GALNT17: variants seen among roughly 807,000 people sequenced by gnomAD.
GALNT17 encodes the protein polypeptide N-acetylgalactosaminyltransferase 17, also known as UDP-GalNAc:polypeptide N-acetylgalactosaminyltransferase-like 3.
In GALNT17, 29 loss-of-function variants were observed where a neutral mutation model predicts 63.7. The observed-to-expected ratio is 0.46, with a 90% CI of 0.34 to 0.62. GALNT17 has a LOEUF of 0.62. GALNT17 is among the 20% of genes least tolerant of loss of function. The pLI is 0.01. For synonymous variants in GALNT17, 305 were observed against 318.3 expected (o/e 0.96, Z 0.45); for missense variants, 603 against 799.6 (o/e 0.75, Z 2.97).
chr7:71,526,174 T>C (rs1788620878), intron 5 of GALNT17, among the ~76,000 whole-genome samples: 1 of 152,218 alleles, frequency 6.6e-6, no homozygotes, highest in South Asian at 2.1e-4. Context: ...CTTATCTTTC[T>C]TCATTTTCAT....
At chr7:71,339,864 A>T (rs1583873897) in intron 2 of GALNT17, among the ~76,000 whole-genome samples, 1 of 152,266 alleles carries the variant, frequency 6.6e-6, no homozygotes, top group Non-Finnish European at 1.5e-5. Flanking sequence ...TTACATGTGA[A>T]CCTTCCTGAA....
At chr7:71,464,394 A>C (rs115921953) in intron 5 of GALNT17, among the ~76,000 whole-genome samples, 1 of 152,148 alleles carries the variant, frequency 6.6e-6, no homozygotes, top group African/African-American at 2.4e-5. Flanking sequence ...AGCCTAACCA[A>C]GGATTGGTCA....
intron 5 of GALNT17, among the ~76,000 whole-genome samples, chr7:71,516,341 A>G (rs892862295): frequency 1.3e-5 from 2 of 152,166 alleles, no homozygotes; most frequent in Non-Finnish European, 2.9e-5. Flanking sequence ...AGAATCTACC[A>G]TGATTAGTAG....
intron 5 of GALNT17, among the ~76,000 whole-genome samples, chr7:71,485,626 C>G (rs1467255673): frequency 6.6e-6 from 1 of 152,180 alleles, no homozygotes; most frequent in Non-Finnish European, 1.5e-5. Flanking sequence ...TTGAGGATAT[C>G]CACTGTATCT....
chr7:71,528,921 G>A (rs1185630814), intron 5 of GALNT17, among the ~76,000 whole-genome samples: 1 of 152,152 alleles, frequency 6.6e-6, no homozygotes, highest in Non-Finnish European at 1.5e-5. Context: ...GATCACCTGA[G>A]GTCAGGAGTT....
chr7:71,456,116 C>T (rs370386160), intron 5 of GALNT17, among the ~76,000 whole-genome samples: 2 of 151,986 alleles, frequency 1.3e-5, no homozygotes, highest in Admixed American at 6.6e-5. Flanking sequence ...CGTGGTGCCA[C>T]GTGCCTGTAG....
At chr7:71,529,468 T>C (rs941033886) in intron 5 of GALNT17, among the ~76,000 whole-genome samples, 1 of 152,160 alleles carries the variant, frequency 6.6e-6, no homozygotes, top group African/African-American at 2.4e-5. Flanking sequence ...TGTATAAGAT[T>C]TAAACCATGT....
At chr7:71,684,008 CAA>C (rs5741642) in intron 9 of GALNT17, among the ~76,000 whole-genome samples, 91 of 121,414 alleles carry the variant, frequency 7.5e-4, no homozygotes, top group Middle Eastern at 4.2e-3. Flanking sequence ...CACTCTGTCT[CAA>C]AAAAAAAAAA....
At chr7:71,682,258 G>A (rs2117078436) in intron 9 of GALNT17, among the ~76,000 whole-genome samples, 1 of 152,232 alleles carries the variant, frequency 6.6e-6, no homozygotes, top group Middle Eastern at 3.4e-3. Context: ...CACTCAGGAA[G>A]CACGTGGGTG....
chr7:71,172,591 T>C (rs1788565775), intron 1 of GALNT17, among the ~76,000 whole-genome samples: 1 of 152,054 alleles, frequency 6.6e-6, no homozygotes, highest in Non-Finnish European at 1.5e-5. Flanking sequence ...GAGCAATGGA[T>C]AGAGGCCATC....
intron 5 of GALNT17, among the ~76,000 whole-genome samples, chr7:71,549,778 A>G (rs551388592): frequency 1.3e-5 from 2 of 152,110 alleles, no homozygotes; most frequent in East Asian, 2.0e-4. Flanking sequence ...TTTTGGAGGA[A>G]AAAGAATCTT....
chr7:71,633,159 G>A (rs1001166057), intron 6 of GALNT17, among the ~76,000 whole-genome samples: 1 of 151,818 alleles, frequency 6.6e-6, no homozygotes, highest in South Asian at 2.1e-4. Context: ...GTTCTAGGGG[G>A]TGCTTAAATG....
intron 6 of GALNT17, among the ~76,000 whole-genome samples, chr7:71,622,728 A>T (rs1273224004): frequency 1.3e-5 from 2 of 152,142 alleles, no homozygotes; most frequent in African/African-American, 4.8e-5. Context: ...AAGAGGTGGA[A>T]GGACTGGGAA....
chr7:71,632,901 C>T (rs1790472256), intron 6 of GALNT17, among the ~76,000 whole-genome samples: 1 of 151,740 alleles, frequency 6.6e-6, no homozygotes, highest in South Asian at 2.1e-4. Flanking sequence ...GCCAGGAGGT[C>T]GAGATCAGCA....
chr7:71,470,828 CT>C, intron 5 of GALNT17, among the ~76,000 whole-genome samples: 1 of 152,112 alleles, frequency 6.6e-6, no homozygotes, highest in African/African-American at 2.4e-5. Context: ...TTGCTTTTCC[CT>C]ATGTCCTTTT....
intron 6 of GALNT17, among the ~76,000 whole-genome samples, chr7:71,628,149 G>A (rs1790402490): frequency 6.6e-6 from 1 of 151,738 alleles, no homozygotes; most frequent in Non-Finnish European, 1.5e-5. Flanking sequence ...TGGAGTGAAG[G>A]ACCAGATCTT....
intron 1 of GALNT17, among the ~76,000 whole-genome samples, chr7:71,249,912 A>C (rs965190499): frequency 2.0e-5 from 3 of 152,330 alleles, no homozygotes; most frequent in Non-Finnish European, 2.9e-5. Context: ...AACTAACTGA[A>C]AGGTGATGCA....
rs115764956 is a variant in GALNT17 at position 71,390,704 on chromosome 7, G to A, written c.589+2303G>A. Among the ~76,000 whole-genome samples the A allele has an allele frequency of 1.5e-3, 228 of 152,080 alleles. 3 individuals are homozygous for A. Among genetic ancestry groups the A allele is most frequent in the African/African-American group, 5.3e-3 (218 of 41,472 alleles). On this transcript the variant is annotated intron_variant, in intron 3 of 10. Coordinates refer to ENST00000333538, the MANE Select transcript of GALNT17 (RefSeq NM_022479.3). ...CCCCAGGCCAGAAATCTCTTCTCTC[G>A]AACTCCCTGTTCCTGTGGCCCCCTT...
intron 6 of GALNT17, among the ~76,000 whole-genome samples, chr7:71,617,736 T>G (rs1007271355): frequency 6.6e-6 from 1 of 150,394 alleles, no homozygotes; most frequent in African/African-American, 2.5e-5. Context: ...TCCACCTCCC[T>G]GGTTCAAGCA....
Sources: gnomAD v4.1 joint callset for allele counts (sites outside exome capture counted in the v4.1 genomes callset) on GRCh38, gnomAD v4.1.1 for gene constraint, MANE v1.5 for transcripts, NCBI Gene and HGNC (gene_info 2026-07-23, HGNC 2026-07-21) for gene names.